The following GAS6 variants were observed in gnomAD, a reference collection of about 807,000 sequenced individuals.
GAS6 encodes the protein growth arrest specific 6.
In GAS6, 41 loss-of-function variants were observed where a neutral mutation model predicts 75.8. That is an observed-to-expected ratio of 0.54 (90% CI 0.42 to 0.70). The LOEUF is 0.70. GAS6 is among the 30% of genes least tolerant of loss of function. The pLI is 0.00. For synonymous variants in GAS6, 432 were observed against 412.6 expected, an observed-to-expected ratio of 1.05 and a Z score of -0.57; for missense variants, 854 against 940.2, an observed-to-expected ratio of 0.91 and a Z score of 1.20.
At position 113,863,603 on chromosome 13, in the gene GAS6, CG is replaced by C; in HGVS notation, c.226del (p.Arg76GlyfsTer18). The part of the protein sequence containing the change: ...VEELCSREEA[R>X]EVFENDPETD... Reference sequence around the variant, plus strand: ...CTCGGGGTCGTTCTCGAACACCTCCCGCGCCTCCTCGCGGCTGCACAGCTCC... The same window carrying C: ...CTCGGGGTCGTTCTCGAACACCTCCCCGCCTCCTCGCGGCTGCACAGCTCC... On this transcript the variant is annotated frameshift_variant, in exon 2 of 15. Transcript: ENST00000327773. LOFTEE classifies it high-confidence loss of function. This position sits in a 1 kb window ranked among gnomAD's most constrained non-coding sequence, Gnocchi z 9.4. The C allele has an allele frequency of 1.3e-6, 2 of 1,523,110 alleles. No individual in the cohort carries two copies. The highest frequency in any genetic ancestry group is 2.0e-5 in the Admixed American group (1 of 49,284). The allele number at this position is 1,523,110 out of a possible 1,614,324, so 94.3% of individuals were successfully genotyped here.
At position 113,839,609 on chromosome 13, in the gene GAS6, T is replaced by C. The variant is rs2051754066; in HGVS notation, c.466+119A>G. The stretch of plus-strand genomic sequence containing the variant: ...AGGATACCTCAGGGCTGCAGCCTCC[T>C]TGGGGCTGTCGGAGAGCAGCCTGAG... On this transcript the variant is annotated intron_variant, in intron 5 of 14. Transcript: ENST00000327773. The C allele has an allele frequency of 2.2e-5, 30 of 1,352,592 alleles. No individual in the cohort carries two copies. The South Asian group carries it at 3.8e-4, about 17-fold the overall frequency. The allele number at this position is 1,352,592 out of a possible 1,614,324, so 83.8% of individuals were successfully genotyped here.
Position 113,839,732 on chromosome 13 carries a change from G to A in GAS6, c.462C>T (p.Asp154=). Residue 154 remains aspartate, a synonymous_variant, in exon 5 of 15, where the codon GAC becomes GAT. Coordinates refer to ENST00000327773, the MANE Select transcript of GAS6 (RefSeq NM_000820.4). ...TTTGTCTTCAGCCTCACGTACCTTT[G>A]TCGCAGAGCCGGCCCCCCCAGCCAG... The part of the protein sequence containing the change: ...CKAGWGGRLC[D]KDVNECSQEN... 1.2e-6 allele frequency: 2 copies of A among 1,613,778 alleles called. No homozygotes were observed. The highest frequency in any genetic ancestry group is 1.7e-6 in the Non-Finnish European group (2 of 1,179,856).
At position 113,827,019 on chromosome 13, in the gene GAS6, A is replaced by G; in HGVS notation, c.1454T>C (p.Phe485Ser). 1.9e-6 allele frequency: 3 copies of G among 1,613,212 alleles called. No homozygotes were observed. Among genetic ancestry groups the G allele is most frequent in the Non-Finnish European group, 2.5e-6 (3 of 1,179,950 alleles). The change falls in exon 12 of 15, where the codon TTC becomes TCC. Residue 485 changes from phenylalanine (F) to serine (S), a missense_variant. Physicochemically the swap from Phe to Ser is radical, Grantham distance 155 (BLOSUM62 -2). Coordinates refer to ENST00000327773, the MANE Select transcript of GAS6 (RefSeq NM_000820.4). ...ERGSFYPGSGFAFYSLDYMRT... is the reference protein window; with the variant it reads ...ERGSFYPGSGSAFYSLDYMRT... ...ACTGTAGTCCAGGCTGTAGAAGGCG[A>G]AGCCGCTCCCGGGGTAGAAAGAGCC...
rs2051852921 is a variant in GAS6, at chr13:113,848,865, A to C, written c.256-815T>G. On this transcript the variant is annotated intron_variant, in intron 2 of 14. Coordinates refer to ENST00000327773, the MANE Select transcript of GAS6 (RefSeq NM_000820.4). This position sits in a 1 kb window ranked among gnomAD's most constrained non-coding sequence, Gnocchi z 4.8. ...CTTTTTAATCCCATTATCAGGAATG[A>C]GGAAACCCGGCTTCAGGATGGTTGT... 6.6e-6 allele frequency among the ~76,000 whole-genome samples: 1 copy of C among 152,214 alleles called. No individual in the cohort carries two copies. Among genetic ancestry groups the C allele is most frequent in the Admixed American group, 6.5e-5 (1 of 15,282 alleles).
chr13:113,842,540 T>C (rs1434151186), intron 4 of GAS6: 4 of 396,718 alleles, frequency 1.0e-5, no homozygotes, highest in Non-Finnish European at 1.8e-5. Context: ...GTCGATGTGG[T>C]CATAGCAGGG....
intron 2 of GAS6, among the ~76,000 whole-genome samples, chr13:113,854,113 C>T (rs2051895753): frequency 6.6e-6 from 1 of 152,196 alleles, no homozygotes; most frequent in South Asian, 2.1e-4. Context: ...CTCTGCCCTC[C>T]TCCAAGCTCA....
At chr13:113,823,330 C>T (rs1425620456) in intron 13 of GAS6, 45 bp downstream of exon 13, 2 of 1,562,546 alleles carry the variant, frequency 1.3e-6, no homozygotes, top group Non-Finnish European at 8.7e-7. Flanking sequence ...CCCACGTACC[C>T]GTGGGTCGAG....
intron 8 of GAS6, among the ~76,000 whole-genome samples, chr13:113,833,945 G>A (rs377409324): frequency 4.4e-4 from 65 of 146,702 alleles, no homozygotes; most frequent in African/African-American, 1.1e-3. Context: ...GACAGGCCCC[G>A]GTGTGACAGG....
At chr13:113,857,727 T>C (rs1240390939) in intron 2 of GAS6, among the ~76,000 whole-genome samples, 2 of 152,194 alleles carry the variant, frequency 1.3e-5, no homozygotes, top group Non-Finnish European at 2.9e-5. Context: ...TGTTCCTAAA[T>C]AACAAAGGGA....
rs2051988148 is a variant in GAS6 at position 113,863,337 on chromosome 13, G to A, written c.255+238C>T. On this transcript the variant is annotated intron_variant, in intron 2 of 14. Coordinates refer to ENST00000327773, the MANE Select transcript of GAS6 (RefSeq NM_000820.4). This position sits in a 1 kb window ranked among gnomAD's most constrained non-coding sequence, Gnocchi z 9.4. ...CGGACTCCCGGCTTCCCCGCGGGGA[G>A]GCGTCTGACAGCGAGCGTTTCCCGG... Among the ~76,000 whole-genome samples the A allele has an allele frequency of 6.6e-6, 1 of 152,164 alleles. No individual in the cohort carries two copies. The highest frequency in any genetic ancestry group is 2.4e-5 in the African/African-American group (1 of 41,456).
Position 113,837,988 on chromosome 13 carries a change from C to A in GAS6, c.589+81G>T. On this transcript the variant is annotated intron_variant, in intron 6 of 14. Transcript: ENST00000327773. This position sits in a 1 kb window ranked among gnomAD's most constrained non-coding sequence, Gnocchi z 5.1. ...ACCACAGGAACCCAGCCAGCAGCAGCCGCTTGCAGAAGAGCAGACATGACC... is the reference window on the plus strand; with the variant it reads ...ACCACAGGAACCCAGCCAGCAGCAGACGCTTGCAGAAGAGCAGACATGACC... 6.5e-7 allele frequency: 1 copy of A among 1,546,740 alleles called. No homozygotes were observed. Among genetic ancestry groups the A allele is most frequent in the South Asian group, 1.2e-5 (1 of 86,742 alleles).
chr13:113,860,896 G>A (rs2051966011), intron 2 of GAS6, among the ~76,000 whole-genome samples: 2 of 151,672 alleles, frequency 1.3e-5, no homozygotes, highest in Admixed American at 6.6e-5. Context: ...GAAGGTGGGG[G>A]TCTGCAGAGC....
intron 2 of GAS6, among the ~76,000 whole-genome samples, chr13:113,851,971 G>A (rs188784409): frequency 6.6e-6 from 1 of 152,324 alleles, no homozygotes; most frequent in Admixed American, 6.5e-5. Flanking sequence ...CAGCCATTAG[G>A]TCTCTCGGAG....
Position 113,822,118 on chromosome 13 carries a change from C to A in GAS6, c.1722G>T (p.Glu574Asp). Residue 574 changes from glutamate (E) to aspartate (D), a missense_variant, in exon 14 of 15, where the codon GAG becomes GAT. By Grantham distance (45) the Glu-to-Asp change is conservative. Coordinates refer to ENST00000327773, the MANE Select transcript of GAS6 (RefSeq NM_000820.4). Reference sequence around the variant, plus strand: ...CCCTCAGCGAGACGGTGACCACGTGCTCTTGGCCGTCGCAGACCTTGATCT... The same window carrying A: ...CCCTCAGCGAGACGGTGACCACGTGATCTTGGCCGTCGCAGACCTTGATCT... The part of the protein sequence containing the change: ...LMEIKVCDGQ[E>D]HVVTVSLRDG... The A allele has an allele frequency of 6.2e-7, 1 of 1,601,200 alleles. No homozygotes were observed. The highest frequency in any genetic ancestry group is 1.1e-5 in the South Asian group (1 of 88,262).
rs2051559513 is a variant in GAS6 at position 113,827,046 on chromosome 13, C to T, written c.1427G>A (p.Arg476Lys). 6.2e-7 allele frequency: 1 copy of T among 1,613,514 alleles called. No individual in the cohort carries two copies. Among genetic ancestry groups the T allele is most frequent in the African/African-American group, 1.3e-5 (1 of 75,054 alleles). ...TRMQCFSVTE[R>K]GSFYPGSGFA... is the part of the protein sequence containing the mutation. Reference sequence around the variant, plus strand: ...GCCGCTCCCGGGGTAGAAAGAGCCTCTCTCCGTCACCGAGAAGCACTGCAT... The same window carrying T: ...GCCGCTCCCGGGGTAGAAAGAGCCTTTCTCCGTCACCGAGAAGCACTGCAT... The change falls in exon 12 of 15, where the codon AGA becomes AAA. Residue 476 changes from arginine to lysine, a missense_variant. Coordinates refer to ENST00000327773, the MANE Select transcript of GAS6 (RefSeq NM_000820.4).
chr13:113,835,916 C>T (rs1211162854), intron 6 of GAS6: 12 of 1,271,908 alleles, frequency 9.4e-6, no homozygotes, highest in African/African-American at 7.7e-5. Flanking sequence ...TGGGGGGCGG[C>T]GGTGCACGCT....
At position 113,830,696 on chromosome 13, in the gene GAS6, C is replaced by T. The variant is rs1431628427; in HGVS notation, c.1143+1603G>A. 1.5e-3 allele frequency among the ~76,000 whole-genome samples: 149 copies of T among 101,818 alleles called. 14 individuals carry two copies. The highest frequency in any genetic ancestry group is 8.0e-3 in the South Asian group (14 of 1,742). The allele number at this position is 101,818 out of a possible 152,430, so 66.8% of individuals were successfully genotyped here. On this transcript the variant is annotated intron_variant, in intron 10 of 14. Coordinates refer to ENST00000327773, the MANE Select transcript of GAS6 (RefSeq NM_000820.4). Reference sequence around the variant, plus strand: ...CGACCTCGCCTCAGGCCACCTGCCCCGGGCCCCTCCTCCCCATGGCTCCAT... The same window carrying T: ...CGACCTCGCCTCAGGCCACCTGCCCTGGGCCCCTCCTCCCCATGGCTCCAT...
In GAS6 at chr13:113,824,600, A is replaced by G. The variant is rs1288349824; in HGVS notation, c.1478-1050T>C. Among the ~76,000 whole-genome samples, 4 of 152,338 alleles carry G rather than the reference A, an allele frequency of 2.6e-5. No individual in the cohort carries two copies. In the East Asian group the frequency reaches 7.7e-4, roughly 29 times the overall value. ...CCTGATAAAGAAGCTGTTTTAGGAA[A>G]AAGGACCCCAAATCACTGTGTGTAC... is the stretch of plus-strand genomic sequence containing the variant. On this transcript the variant is annotated intron_variant, in intron 12 of 14. Transcript: ENST00000327773.
In GAS6 at chr13:113,822,201, G is replaced by A; in HGVS notation, c.1654-15C>T. 1.3e-6 allele frequency: 2 copies of A among 1,513,296 alleles called. No individual in the cohort carries two copies. The highest frequency in any genetic ancestry group is 1.8e-6 in the Non-Finnish European group (2 of 1,121,596). 93.7% of individuals were successfully genotyped at this position (1,513,296 alleles called of 1,614,324 possible). On this transcript the variant is annotated splice_polypyrimidine_tract_variant and intron_variant, in intron 13 of 14. Coordinates refer to ENST00000327773, the MANE Select transcript of GAS6 (RefSeq NM_000820.4). ...AGGACCACCAGCTGCAGGAGACCGA[G>A]GTGTGGTCAGGGCCTGCCGGCCACC...
Sources: allele counts gnomAD v4.1 joint callset (sites outside exome capture counted in the v4.1 genomes callset), GRCh38; gene constraint gnomAD v4.1.1; non-coding constraint Gnocchi (gnomAD v3.1); transcripts MANE v1.5; gene names NCBI Gene and HGNC (gene_info 2026-07-23, HGNC 2026-07-21).